CRYBA4: variants seen among roughly 807,000 people sequenced by gnomAD.
CRYBA4 encodes the protein beta-crystallin A4.
A neutral mutation model predicts 31.7 loss-of-function variants in CRYBA4; 30 were observed. The ratio of observed to expected loss-of-function variants is 0.95; its 90% CI spans 0.71 to 1.28. CRYBA4 has a LOEUF of 1.28. Ranked by LOEUF, CRYBA4 falls within the 50% of genes most tolerant of loss-of-function variation. CRYBA4 has a pLI of 0.00. For synonymous variants in CRYBA4, 102 were observed against 102.3 expected (o/e 1.00, Z 0.02); for missense variants, 225 against 260.7 (o/e 0.86, Z 0.94).
At chr22:26,614,469 C>T in the CRYBA4 span, among the ~76,000 whole-genome samples, 2 of 152,120 alleles carry the variant, frequency 1.3e-5, no homozygotes, top group Non-Finnish European at 2.9e-5. Flanking sequence ...TACCAGGAGA[C>T]AGGGATAAGA....
chr22:26,600,791 A>G, the CRYBA4 span, among the ~76,000 whole-genome samples: 1 of 152,222 alleles, frequency 6.6e-6, no homozygotes, highest in Non-Finnish European at 1.5e-5. Context: ...TTTAAGTTCC[A>G]TCCTCTGCAG....
intron 4 of CRYBA4, among the ~76,000 whole-genome samples, chr22:26,627,359 C>CCCTCCCTTCTTTCTTTCTTT (rs1404229613): frequency 3.8e-4 from 16 of 41,862 alleles, no homozygotes; most frequent in African/African-American, 6.4e-4. Context: ...CTCCCTCCCT[C>CCCTCCCTTCTTTCTTTCTTT]CTTTCTTTCT....
chr22:26,608,074 C>A, the CRYBA4 span: 4 of 1,613,240 alleles, frequency 2.5e-6, no homozygotes, highest in Non-Finnish European at 3.4e-6. Flanking sequence ...TTAGTAGAAG[C>A]CCCCACTCCC....
At chr22:26,614,416 A>G in the CRYBA4 span, among the ~76,000 whole-genome samples, 2 of 152,222 alleles carry the variant, frequency 1.3e-5, no homozygotes, top group Non-Finnish European at 2.9e-5. Flanking sequence ...CGCTTAGGAA[A>G]AATAGAAAAG....
the CRYBA4 span, among the ~76,000 whole-genome samples, chr22:26,594,862 C>T: frequency 2.0e-5 from 3 of 152,176 alleles, no homozygotes; most frequent in African/African-American, 4.8e-5. Flanking sequence ...TTGGACTCAT[C>T]ATGATTTCTG....
At chr22:26,603,656 G>A in the CRYBA4 span, among the ~76,000 whole-genome samples, 6 of 152,190 alleles carry the variant, frequency 3.9e-5, no homozygotes, top group South Asian at 2.1e-4. Flanking sequence ...TGTAATCCCA[G>A]CACTTTAGGA....
At chr22:26,590,297 G>T in the CRYBA4 span, 1 of 142,396 alleles carries the variant, frequency 7.0e-6, no homozygotes, top group African/African-American at 2.6e-5. Flanking sequence ...ACCCCGCCCC[G>T]CCGCCCTGGA....
chr22:26,628,704 C>T (rs530003840), intron 5 of CRYBA4, among the ~76,000 whole-genome samples: 1 of 152,190 alleles, frequency 6.6e-6, no homozygotes, highest in Non-Finnish European at 1.5e-5. Context: ...CCCCCACAAC[C>T]CCCAACCTGT....
the CRYBA4 span, among the ~76,000 whole-genome samples, chr22:26,595,661 A>C: frequency 2.6e-5 from 4 of 151,862 alleles, no homozygotes; most frequent in Non-Finnish European, 5.9e-5. Flanking sequence ...TTTTTTGTAG[A>C]GATGGGGTCT....
the CRYBA4 span, among the ~76,000 whole-genome samples, chr22:26,596,092 A>C: frequency 6.6e-6 from 1 of 152,226 alleles, no homozygotes; most frequent in East Asian, 1.9e-4. Flanking sequence ...CCATCAATGC[A>C]AAGAGTTTTT....
At chr22:26,596,910 G>A in the CRYBA4 span, among the ~76,000 whole-genome samples, 7 of 152,284 alleles carry the variant, frequency 4.6e-5, no homozygotes, top group African/African-American at 1.7e-4. Context: ...CAAGTCCCAG[G>A]GAATGGATGC....
the CRYBA4 span, chr22:26,607,963 C>G: frequency 6.2e-7 from 1 of 1,614,196 alleles, no homozygotes; most frequent in Non-Finnish European, 8.5e-7. Flanking sequence ...CGAGGGTACT[C>G]GCCCTTCTCC....
the CRYBA4 span, chr22:26,616,139 C>T: frequency 6.2e-7 from 1 of 1,613,844 alleles, no homozygotes; most frequent in Non-Finnish European, 8.5e-7. Flanking sequence ...CAGGTCCTTA[C>T]CCTGTAGTTC....
rs879162370 is a variant in CRYBA4 at position 26,625,368 on chromosome 22, G to A, written c.159-113G>A. On this transcript the variant is annotated intron_variant, in intron 3 of 5. Transcript: ENST00000354760. ...AGCCATCGTCAAGTGTTTCCTGGGG[G>A]CACAGTCACCCCTGAATGGTTGTGA... 32 of 1,228,576 alleles carry A rather than the reference G, an allele frequency of 2.6e-5. 1 individual carries two copies. In the South Asian group the frequency reaches 4.0e-4, roughly 15 times the overall value. 76.1% of individuals were successfully genotyped at this position (1,228,576 alleles called of 1,614,324 possible). A position where few individuals can be genotyped will look rare whatever the true frequency, so the allele number is the denominator to read the frequency against.
the CRYBA4 span, among the ~76,000 whole-genome samples, chr22:26,592,318 T>C: frequency 6.6e-6 from 1 of 152,218 alleles, no homozygotes; most frequent in African/African-American, 2.4e-5. Flanking sequence ...AGGCACAGAT[T>C]CAGCAGCTAA....
the CRYBA4 span, chr22:26,599,488 A>G: frequency 6.2e-7 from 1 of 1,609,064 alleles, no homozygotes; most frequent in Non-Finnish European, 8.5e-7. Context: ...TGAGGTGTGG[A>G]CTCACTTGGG....
At chr22:26,613,333 A>G in the CRYBA4 span, among the ~76,000 whole-genome samples, 2 of 152,196 alleles carry the variant, frequency 1.3e-5, no homozygotes, top group East Asian at 3.8e-4. Flanking sequence ...ACCATGACCC[A>G]GCACTTCCAC....
chr22:26,625,240 G>T (rs1013623208), intron 3 of CRYBA4, among the ~76,000 whole-genome samples: 1 of 152,166 alleles, frequency 6.6e-6, no homozygotes, highest in Non-Finnish European at 1.5e-5. Context: ...TTGCAGGGAA[G>T]GCTGGCCTGT....
the CRYBA4 span, among the ~76,000 whole-genome samples, chr22:26,601,600 C>T: frequency 6.6e-6 from 1 of 151,548 alleles, no homozygotes; most frequent in Admixed American, 6.6e-5. Flanking sequence ...TAGTTGATTA[C>T]TCCTTCAACC....
Sources: gnomAD v4.1 joint callset for allele counts (sites outside exome capture counted in the v4.1 genomes callset) on GRCh38, gnomAD v4.1.1 for gene constraint, MANE v1.5 for transcripts, NCBI Gene and HGNC (gene_info 2026-07-23, HGNC 2026-07-21) for gene names.